CPNE4: variants seen among roughly 807,000 people sequenced by gnomAD.
The protein encoded by CPNE4 is copine 4.
CPNE4 carries 25 observed loss-of-function variants against 67.9 expected under a neutral mutation model. The ratio of observed to expected loss-of-function variants is 0.37; its 90% CI spans 0.27 to 0.51. The LOEUF (loss-of-function observed/expected upper bound fraction) is 0.51. Ranked by LOEUF, CPNE4 falls within the 20% of genes least tolerant of loss-of-function variation. CPNE4 has a pLI of 0.93. For missense variants in CPNE4, 464 were observed against 690.8 expected (o/e 0.67, Z 3.68); for synonymous variants, 242 against 244.9 (o/e 0.99, Z 0.11).
intron 2 of CPNE4, among the ~76,000 whole-genome samples, chr3:131,867,052 G>A (rs2086982360): frequency 6.6e-6 from 1 of 152,222 alleles, no homozygotes; most frequent in African/African-American, 2.4e-5. Flanking sequence ...GCAACTACTA[G>A]TGAGCAGCAG....
chr3:131,804,008 CTT>C (rs2084222485), intron 2 of CPNE4, among the ~76,000 whole-genome samples: 1 of 152,170 alleles, frequency 6.6e-6, no homozygotes, highest in Admixed American at 6.5e-5. Context: ...CACCTTATCT[CTT>C]GTGTGCCTAT....
At chr3:131,884,725 G>A (rs2054319) in intron 2 of CPNE4, among the ~76,000 whole-genome samples, 44,084 of 152,024 alleles carry the variant, frequency 0.29, 7,430 homozygotes, top group Non-Finnish European at 0.37. Flanking sequence ...TTCTCACGGT[G>A]GTGAACATGT....
At chr3:131,948,851 T>A (rs772140371) in intron 1 of CPNE4, among the ~76,000 whole-genome samples, 3 of 152,130 alleles carry the variant, frequency 2.0e-5, no homozygotes, top group Non-Finnish European at 4.4e-5. Flanking sequence ...TAATATAAAA[T>A]TCCATGCAGG....
intron 2 of CPNE4, among the ~76,000 whole-genome samples, chr3:131,753,519 A>G (rs1310521042): frequency 6.6e-6 from 1 of 152,160 alleles, no homozygotes; most frequent in Non-Finnish European, 1.5e-5. Flanking sequence ...TAGGTACAAG[A>G]CAATTCAAAT....
At chr3:131,978,562 C>G in intron 1 of CPNE4, among the ~76,000 whole-genome samples, 1 of 77,040 alleles carries the variant, frequency 1.3e-5, no homozygotes, top group Non-Finnish European at 2.5e-5. Flanking sequence ...ATATATATGC[C>G]ACAGTTTCTT....
At chr3:131,587,714 T>G in intron 7 of CPNE4, 132 bp from the exon 8 acceptor site, 1 of 656,212 alleles carries the variant, frequency 1.5e-6, no homozygotes, top group Non-Finnish European at 2.7e-6. Context: ...GAGTCTAAGA[T>G]TGGAGCATAT....
At chr3:131,935,226 A>C (rs1395918818) in intron 1 of CPNE4, among the ~76,000 whole-genome samples, 1 of 152,142 alleles carries the variant, frequency 6.6e-6, no homozygotes, top group Non-Finnish European at 1.5e-5. Flanking sequence ...GGGATCAGGC[A>C]GTTGCAATGG....
chr3:131,809,545 G>GA (rs5852652), intron 2 of CPNE4, among the ~76,000 whole-genome samples: 76,829 of 151,904 alleles, frequency 0.51, 21,053 homozygotes, highest in African/African-American at 0.73. Context: ...TAAATACCCA[G>GA]AAAAAGTGAG....
intron 3 of CPNE4, among the ~76,000 whole-genome samples, chr3:131,721,398 C>CTTT (rs35719411): frequency 8.6e-5 from 11 of 128,342 alleles, no homozygotes; most frequent in Admixed American, 2.5e-4. Flanking sequence ...ACGGATCTAC[C>CTTT]TTTTTTTTTT....
Position 131,771,792 on chromosome 3 carries a change from C to T in CPNE4, c.181-48167G>A, listed in dbSNP as rs190480367. 3.9e-5 allele frequency among the ~76,000 whole-genome samples: 6 copies of T among 152,250 alleles called. No individual in the cohort carries two copies. The East Asian group carries it at 9.7e-4, about 25-fold the overall frequency. On this transcript the variant is annotated intron_variant, in intron 2 of 15. Transcript: ENST00000429747. Reference sequence around the variant, plus strand: ...AGAATCCACATTGATTTTTCAAAATCCCCATTCTGATTAGGTTGATACTAT... The same window carrying T: ...AGAATCCACATTGATTTTTCAAAATTCCCATTCTGATTAGGTTGATACTAT...
chr3:132,035,160 G>T (rs950674362), upstream of CPNE4: 2 of 598,646 alleles, frequency 3.3e-6, no homozygotes, highest in Non-Finnish European at 4.2e-6. Flanking sequence ...CGCTCTCCGT[G>T]GTCCTGCCGC....
intron 7 of CPNE4, among the ~76,000 whole-genome samples, chr3:131,661,705 G>C (rs773022810): frequency 6.6e-6 from 1 of 152,098 alleles, no homozygotes; most frequent in Non-Finnish European, 1.5e-5. Context: ...GAAAGCACTT[G>C]AATCTGACCA....
At chr3:131,765,622 T>A (rs1287288168) in intron 2 of CPNE4, among the ~76,000 whole-genome samples, 2 of 152,112 alleles carry the variant, frequency 1.3e-5, no homozygotes, top group Non-Finnish European at 2.9e-5. Flanking sequence ...TTTACTATAG[T>A]CTAATCATCT....
At chr3:131,650,284 T>C (rs192900482) in intron 7 of CPNE4, among the ~76,000 whole-genome samples, 1 of 152,258 alleles carries the variant, frequency 6.6e-6, no homozygotes, top group Admixed American at 6.5e-5. Context: ...TTGCCATATC[T>C]ATTGCTTAGA....
intron 7 of CPNE4, among the ~76,000 whole-genome samples, chr3:131,608,398 A>G (rs993609191): frequency 6.6e-6 from 1 of 152,112 alleles, no homozygotes; most frequent in African/African-American, 2.4e-5. Context: ...AAGGACTTAC[A>G]GTAGAATTGA....
Position 131,564,307 on chromosome 3 carries a change from T to G in CPNE4, c.970A>C (p.Ser324Arg), listed in dbSNP as rs778498114. ...FTASNGDPRNSCSLHYIHPYQ... is the reference protein window; with the variant it reads ...FTASNGDPRNRCSLHYIHPYQ... ...GGGTGGATGTAGTGCAAGGAACAGC[T>G]GTTCCTGGGGTCCCCGTTTGAGGCA... The change falls in exon 11 of 16, where the codon AGC becomes CGC. Residue 324 changes from serine to arginine, a missense_variant. By Grantham distance (110) the Ser-to-Arg change is moderately radical (BLOSUM62 -1). Coordinates refer to ENST00000429747, the MANE Select transcript of CPNE4 (RefSeq NM_130808.3). 6.2e-7 allele frequency: 1 copy of G among 1,612,898 alleles called. No individual in the cohort carries two copies. The highest frequency in any genetic ancestry group is 8.5e-7 in the Non-Finnish European group (1 of 1,179,284).
intron 7 of CPNE4, among the ~76,000 whole-genome samples, chr3:131,594,083 AGAG>A (rs1472861601): frequency 2.0e-5 from 3 of 152,270 alleles, no homozygotes; most frequent in South Asian, 4.1e-4. Flanking sequence ...TCCTGATCTT[AGAG>A]AAGAAGCTTT....
chr3:131,756,875 G>A (rs35682399), intron 2 of CPNE4, among the ~76,000 whole-genome samples: 43,340 of 152,042 alleles, frequency 0.29, 6,288 homozygotes, highest in Middle Eastern at 0.35. Flanking sequence ...TGCTGTTCTC[G>A]TGATAGTGAA....
intron 2 of CPNE4, among the ~76,000 whole-genome samples, chr3:131,808,273 G>GA (rs1244884878): frequency 6.6e-6 from 1 of 152,234 alleles, no homozygotes; most frequent in Non-Finnish European, 1.5e-5. Flanking sequence ...GAATTAGACT[G>GA]AAAAATGGCT....
Sources: allele counts gnomAD v4.1 joint callset (sites outside exome capture counted in the v4.1 genomes callset), GRCh38; gene constraint gnomAD v4.1.1; transcripts MANE v1.5; gene names NCBI Gene and HGNC (gene_info 2026-07-23, HGNC 2026-07-21).